Variants in SLC25A24 observed in about 807,000 individuals in gnomAD.
The protein encoded by SLC25A24 is solute carrier family 25 member 24.
Under a neutral mutation model 60.7 loss-of-function variants are expected in SLC25A24, and 49 were observed. That is an observed-to-expected ratio of 0.81 (90% CI 0.64 to 1.02). SLC25A24 has a LOEUF of 1.02. Among genes scored for constraint, SLC25A24 ranks in the 50% least tolerant of loss-of-function variants. The pLI, the probability that SLC25A24 is intolerant of heterozygous loss-of-function variation, is 0.00. For missense variants in SLC25A24, 564 were observed against 586.3 expected (o/e 0.96, Z 0.39); for synonymous variants, 202 against 200.6 (o/e 1.01, Z -0.06).
At chr1:108,166,440 A>G (rs371993369) in intron 3 of SLC25A24, among the ~76,000 whole-genome samples, 4 of 151,606 alleles carry the variant, frequency 2.6e-5, no homozygotes, top group Admixed American at 6.6e-5. Context: ...CCAATCAGAC[A>G]TAGATTTGGT....
chr1:108,151,103 A>G (rs1679742863), intron 6 of SLC25A24, among the ~76,000 whole-genome samples: 1 of 152,152 alleles, frequency 6.6e-6, no homozygotes, highest in Non-Finnish European at 1.5e-5. Flanking sequence ...CAGGAGGTTG[A>G]GGCAGAAGAA....
intron 8 of SLC25A24, among the ~76,000 whole-genome samples, chr1:108,142,849 G>C (rs1679477949): frequency 6.6e-6 from 1 of 151,900 alleles, no homozygotes; most frequent in African/African-American, 2.4e-5. Flanking sequence ...GAAATGTAAG[G>C]AATATGAACT....
At chr1:108,155,248 T>G (rs1389770452) in intron 5 of SLC25A24, 113 bp from the exon 6 acceptor site, 2 of 937,768 alleles carry the variant, frequency 2.1e-6, no homozygotes, top group African/African-American at 3.4e-5. Context: ...AAGATATATT[T>G]GAAAATAAAA....
Position 108,199,809 on chromosome 1 carries a change from GT to G in SLC25A24, c.183+146del, listed in dbSNP as rs2101652203. ...TCGCCGGTCGCGGCCCCACGCCCGAGTTTCTGAAGCCACCGGAGCGCTGGGC... is the reference window on the plus strand; with the variant it reads ...TCGCCGGTCGCGGCCCCACGCCCGAGTTCTGAAGCCACCGGAGCGCTGGGC... On this transcript the variant is annotated intron_variant, in intron 1 of 9. Transcript: ENST00000565488. 7 of 654,910 alleles carry G rather than the reference GT, an allele frequency of 1.1e-5. No homozygotes were observed. In the South Asian group the frequency reaches 1.4e-4, roughly 13 times the overall value. The allele number at this position is 654,910 out of a possible 1,614,324, so 40.6% of individuals were successfully genotyped here.
chr1:108,139,289 A>C, intron 8 of SLC25A24, 81 bp from the exon 9 acceptor site: 76 of 1,362,570 alleles, frequency 5.6e-5, no homozygotes, highest in South Asian at 1.2e-4. Context: ...TCTCAACCTC[A>C]TGAGAAGCCC....
chr1:108,196,002 GA>G (rs374038234), intron 1 of SLC25A24, among the ~76,000 whole-genome samples: 1,550 of 106,146 alleles, frequency 0.015, 17 homozygotes, highest in African/African-American at 0.031. Context: ...TCTGTCTCCA[GA>G]AAAAAAAAAA....
At chr1:108,196,118 C>T (rs537680443) in intron 1 of SLC25A24, among the ~76,000 whole-genome samples, 2 of 151,918 alleles carry the variant, frequency 1.3e-5, no homozygotes, top group Non-Finnish European at 2.9e-5. Context: ...TAAACATTTG[C>T]TAAGCTACTA....
At position 108,139,218 on chromosome 1, in the gene SLC25A24, A is replaced by T. The variant is rs1558006147; in HGVS notation, c.1099-10T>A. ...AATAGGACTTCAAGAGCTGCCAGAGAAATAAAGAAGAAAATAATTAACGAA... is the reference window on the plus strand; with the variant it reads ...AATAGGACTTCAAGAGCTGCCAGAGTAATAAAGAAGAAAATAATTAACGAA... On this transcript the variant is annotated splice_polypyrimidine_tract_variant and intron_variant, in intron 8 of 9. Coordinates refer to ENST00000565488, the MANE Select transcript of SLC25A24 (RefSeq NM_013386.5). 1 of 1,581,518 alleles carries T rather than the reference A, an allele frequency of 6.3e-7. No individual in the cohort carries two copies. Among genetic ancestry groups the T allele is most frequent in the Non-Finnish European group, 8.6e-7 (1 of 1,167,378 alleles).
intron 3 of SLC25A24, among the ~76,000 whole-genome samples, chr1:108,161,585 G>A (rs1361649359): frequency 1.3e-5 from 2 of 152,070 alleles, no homozygotes; most frequent in Admixed American, 6.5e-5. Flanking sequence ...ACAAAAACTT[G>A]AAGATAAAAT....
chr1:108,156,803 A>G (rs928897945), intron 5 of SLC25A24, among the ~76,000 whole-genome samples: 3 of 152,214 alleles, frequency 2.0e-5, no homozygotes, highest in Non-Finnish European at 2.9e-5. Context: ...CATGAGAACC[A>G]GGAGCACTGG....
intron 4 of SLC25A24, 143 bp downstream of exon 4, chr1:108,161,039 A>C: frequency 1.8e-6 from 1 of 541,594 alleles, no homozygotes; most frequent in Non-Finnish European, 3.3e-6. Context: ...TCTATGCCTA[A>C]TAGAATAAAT....
intron 1 of SLC25A24, among the ~76,000 whole-genome samples, chr1:108,186,164 A>G (rs939133526): frequency 6.6e-6 from 1 of 152,182 alleles, no homozygotes; most frequent in Non-Finnish European, 1.5e-5. Flanking sequence ...TAAATTTTCA[A>G]TCAGAAAAAT....
intron 7 of SLC25A24, 72 bp downstream of exon 7, chr1:108,148,207 A>G (rs1679659235): frequency 2.2e-6 from 2 of 914,818 alleles, no homozygotes; most frequent in Admixed American, 1.8e-5. Context: ...TAATTTTGGG[A>G]TAACTTGTTA....
intron 5 of SLC25A24, among the ~76,000 whole-genome samples, chr1:108,156,752 C>T (rs1679911624): frequency 6.6e-6 from 1 of 152,148 alleles, no homozygotes; most frequent in Admixed American, 6.5e-5. Context: ...TTATCCCCAT[C>T]CCAGAATGAA....
intron 1 of SLC25A24, among the ~76,000 whole-genome samples, chr1:108,196,193 A>G (rs1262891032): frequency 2.0e-5 from 3 of 152,174 alleles, no homozygotes; most frequent in Non-Finnish European, 4.4e-5. Context: ...AATTAAAAAA[A>G]TCATAGAATG....
At chr1:108,155,928 A>C (rs1679884470) in intron 5 of SLC25A24, among the ~76,000 whole-genome samples, 1 of 149,732 alleles carries the variant, frequency 6.7e-6, no homozygotes, top group Non-Finnish European at 1.5e-5. Context: ...TTCAGCTCAC[A>C]TAAAAGGGGT....
At position 108,136,806 on chromosome 1, in the gene SLC25A24, C is replaced by G. The variant is rs1679302123; in HGVS notation, c.1281G>C (p.Met427Ile). Residue 427 changes from methionine (M) to isoleucine (I), a missense_variant, in exon 10 of 10, where the codon ATG becomes ATC. Met to Ile is a conservative substitution (Grantham distance 10). Transcript: ENST00000565488. ...AAATAATTCGTCGAAAGAGGCCAACCATATTCAGCTGTGGGGAACCTTCTA... is the reference window on the plus strand; with the variant it reads ...AAATAATTCGTCGAAAGAGGCCAACGATATTCAGCTGTGGGGAACCTTCTA... ...AMLEGSPQLN[M>I]VGLFRRIISK... 1.2e-6 allele frequency: 2 copies of G among 1,614,028 alleles called. No individual in the cohort carries two copies. The highest frequency in any genetic ancestry group is 4.5e-5 in the East Asian group (2 of 44,860).
At chr1:108,167,688 G>A (rs566017217) in intron 3 of SLC25A24, among the ~76,000 whole-genome samples, 2 of 152,158 alleles carry the variant, frequency 1.3e-5, no homozygotes, top group African/African-American at 2.4e-5. Context: ...TGCGCCCACT[G>A]TCTGGCACTC....
At chr1:108,174,818 G>T (rs1647613717) in intron 3 of SLC25A24, among the ~76,000 whole-genome samples, 1 of 152,216 alleles carries the variant, frequency 6.6e-6, no homozygotes, top group South Asian at 2.1e-4. Context: ...GGAGCTTTAA[G>T]ATTTGACTAT....
Sources: allele counts gnomAD v4.1 joint callset (sites outside exome capture counted in the v4.1 genomes callset), GRCh38; gene constraint gnomAD v4.1.1; transcripts MANE v1.5; gene names NCBI Gene and HGNC (gene_info 2026-07-23, HGNC 2026-07-21).